MIGA2: variants seen among roughly 807,000 people sequenced by gnomAD.
MIGA2 encodes the protein mitoguardin 2, also known as family with sequence similarity 73, member B.
A neutral mutation model predicts 69.9 loss-of-function variants in MIGA2; 36 were observed. The observed-to-expected ratio is 0.52, with a 90% confidence interval of 0.39 to 0.68. The LOEUF is 0.68. Among genes scored for constraint, MIGA2 ranks in the 30% least tolerant of loss-of-function variants. The pLI is 0.00. For missense variants in MIGA2, 660 were observed against 787.7 expected (o/e 0.84, Z 1.94); for synonymous variants, 333 against 349.2 (o/e 0.95, Z 0.52).
chr9:129,061,223 T>C lies in MIGA2; in HGVS notation c.895-8T>C. On this transcript the variant is annotated splice_polypyrimidine_tract_variant and splice_region_variant and intron_variant, in intron 8 of 15. Transcript: ENST00000684074. The surrounding 1 kb of genome is among the most constrained non-coding windows in gnomAD (Gnocchi z 5.0). ...TTCCCTGGTCTCTTCCTCTGCACCCTCTCCCAGCTCTTTGAGTCCCTGCAG... is the reference window on the plus strand; with the variant it reads ...TTCCCTGGTCTCTTCCTCTGCACCCCCTCCCAGCTCTTTGAGTCCCTGCAG... 6.2e-7 allele frequency: 1 copy of C among 1,606,748 alleles called. No individual in the cohort carries two copies. Among genetic ancestry groups the C allele is most frequent in the Non-Finnish European group, 8.5e-7 (1 of 1,176,684 alleles).
chr9:129,050,046 G>A, intron 6 of MIGA2, 83 bp downstream of exon 6: 2 of 1,510,412 alleles, frequency 1.3e-6, no homozygotes, highest in Non-Finnish European at 1.8e-6. Flanking sequence ...TGGGAGGCAG[G>A]CAGTCTCCTG....
intron 3 of MIGA2, among the ~76,000 whole-genome samples, chr9:129,047,557 C>T (rs1044652403): frequency 2.0e-5 from 3 of 151,924 alleles, no homozygotes; most frequent in East Asian, 1.9e-4. Context: ...GGATTACAGG[C>T]GTGCGCCACC....
At chr9:129,053,592 C>G (rs556233581) in intron 6 of MIGA2, among the ~76,000 whole-genome samples, 5 of 152,116 alleles carry the variant, frequency 3.3e-5, no homozygotes, top group Admixed American at 1.3e-4. Context: ...GTTTCTATCT[C>G]CTGACCTCAG....
chr9:129,044,926 G>T (rs766893185), intron 3 of MIGA2, among the ~76,000 whole-genome samples: 2 of 148,986 alleles, frequency 1.3e-5, no homozygotes, highest in Non-Finnish European at 1.5e-5. Context: ...AAGGCCAGGC[G>T]CGGTGGCTCA....
intron 11 of MIGA2, among the ~76,000 whole-genome samples, chr9:129,067,211 A>G (rs1434588967): frequency 1.3e-5 from 2 of 151,914 alleles, no homozygotes; most frequent in African/African-American, 4.8e-5. Context: ...GTTTTTCTAC[A>G]TCGTAAATGC....
At position 129,060,507 on chromosome 9, in the gene MIGA2, T is replaced by G. The variant is rs759929873; in HGVS notation, c.794-43T>G. 14 of 1,463,426 alleles carry G rather than the reference T, an allele frequency of 9.6e-6. 1 individual carries two copies. The East Asian group carries it at 3.2e-4, about 33-fold the overall frequency. The allele number at this position is 1,463,426 out of a possible 1,614,324, so 90.7% of individuals were successfully genotyped here. The stretch of plus-strand genomic sequence containing the variant: ...GTACCGGGATTCCAGCTGAGCACTG[T>G]GTGGGGAGTCTCAGCCCCGCTTTCT... On this transcript the variant is annotated intron_variant, in intron 7 of 15. Transcript: ENST00000684074. This position sits in a 1 kb window ranked among gnomAD's most constrained non-coding sequence, Gnocchi z 4.8.
chr9:129,039,215 G>GT (rs1173839760), intron 1 of MIGA2, among the ~76,000 whole-genome samples: 34 of 139,718 alleles, frequency 2.4e-4, no homozygotes, highest in Non-Finnish European at 4.9e-4. Context: ...GTGTGTGTGT[G>GT]TGTGTTTTAT....
intron 11 of MIGA2, among the ~76,000 whole-genome samples, chr9:129,065,146 T>C (rs1846277600): frequency 6.7e-6 from 1 of 150,296 alleles, no homozygotes; most frequent in Non-Finnish European, 1.5e-5. Flanking sequence ...GTAAAAAATA[T>C]AGGATTTGGC....
chr9:129,045,682 A>G, intron 3 of MIGA2, among the ~76,000 whole-genome samples: 1 of 151,676 alleles, frequency 6.6e-6, no homozygotes, highest in East Asian at 1.9e-4. Context: ...GGGAGGCAGG[A>G]GGATTGTTTG....
Position 129,040,669 on chromosome 9 carries a change from C to T in MIGA2, c.75C>T (p.Phe25=). 6.2e-7 allele frequency: 1 copy of T among 1,613,816 alleles called. No individual in the cohort carries two copies. Among genetic ancestry groups the T allele is most frequent in the East Asian group, 2.2e-5 (1 of 44,860 alleles). The change falls in exon 2 of 16, where the codon TTC becomes TTT. Residue 25 remains phenylalanine (F), a synonymous_variant. Coordinates refer to ENST00000684074, the MANE Select transcript of MIGA2 (RefSeq NM_001329990.2). The part of the protein sequence containing the change: ...LAMTVAEIPV[F]LYTTFGQSAF... ...TGACGGTGGCCGAGATCCCCGTGTT[C>T]CTGTACACGACGTTTGGGCAGGTAA...
Position 129,048,494 on chromosome 9 carries a change from C to T in MIGA2, c.375C>T (p.Ser125=), listed in dbSNP as rs1845351807. 6.2e-7 allele frequency: 1 copy of T among 1,614,080 alleles called. No individual in the cohort carries two copies. Among genetic ancestry groups the T allele is most frequent in the Non-Finnish European group, 8.5e-7 (1 of 1,179,950 alleles). Residue 125 remains serine (S), a synonymous_variant, in exon 4 of 16, where the codon TCC becomes TCT. Coordinates refer to ENST00000684074, the MANE Select transcript of MIGA2 (RefSeq NM_001329990.2). ...KSNDTLSGIS[S]IEPSKHSGSS... is the part of the protein sequence containing the mutation. ...ACGACACCCTGAGTGGCATCTCTTC[C>T]ATTGAGCCCAGCAAGCACTCGGGCT...
At position 129,070,587 on chromosome 9, in the gene MIGA2, C is replaced by T; in HGVS notation, c.*134C>T. 1.0e-6 allele frequency: 1 copy of T among 952,858 alleles called. No individual in the cohort carries two copies. Among genetic ancestry groups the T allele is most frequent in the Non-Finnish European group, 1.5e-6 (1 of 660,300 alleles). 59.0% of individuals were successfully genotyped at this position (952,858 alleles called of 1,614,324 possible). Reference sequence around the variant, plus strand: ...CCCCATCATCTGGGAGTCCCCAAGGCCCAGAGGGGACATTTCCATGGAGAA... The same window carrying T: ...CCCCATCATCTGGGAGTCCCCAAGGTCCAGAGGGGACATTTCCATGGAGAA... On this transcript the variant is annotated 3_prime_UTR_variant, in exon 16 of 16. Transcript: ENST00000684074.
chr9:129,042,470 C>A lies in MIGA2; in HGVS notation c.263C>A (p.Pro88His), dbSNP rs780734686. The A allele has an allele frequency of 2.3e-5, 37 of 1,601,174 alleles. No individual in the cohort carries two copies. The highest frequency in any genetic ancestry group is 3.0e-5 in the Non-Finnish European group (35 of 1,174,678). ...GGAGGGGAGCAGCTGGGCACGGTGC[C>A]CCTCCCTATCCTCTTGGCCAGGAAG... The part of the protein sequence containing the change: ...EMGGEQLGTV[P>H]LPILLARKVP... The change falls in exon 3 of 16, where the codon CCC (proline) becomes CAC (histidine). Residue 88 changes from proline to histidine, a missense_variant. By Grantham distance (77) the Pro-to-His change is moderately conservative. This residue lies in a region of MIGA2 where 386 missense variants were observed against 402.0 expected (regional missense o/e 0.96). Coordinates refer to ENST00000684074, the MANE Select transcript of MIGA2 (RefSeq NM_001329990.2).
chr9:129,058,281 G>C (rs1845892452), intron 6 of MIGA2, among the ~76,000 whole-genome samples: 1 of 151,692 alleles, frequency 6.6e-6, no homozygotes, highest in Non-Finnish European at 1.5e-5. Flanking sequence ...TATGCCTGTA[G>C]TGTCCTAGCT....
intron 6 of MIGA2, 56 bp downstream of exon 6, chr9:129,050,019 G>C (rs1314607836): frequency 1.3e-6 from 2 of 1,565,324 alleles, no homozygotes; most frequent in African/African-American, 2.7e-5. Flanking sequence ...CAGCACAGGA[G>C]AGGGGCGGCC....
chr9:129,041,068 C>T (rs968205966), intron 2 of MIGA2, among the ~76,000 whole-genome samples: 3 of 152,122 alleles, frequency 2.0e-5, no homozygotes, highest in Non-Finnish European at 2.9e-5. Context: ...GGCACAGTGG[C>T]TCATGCCTGT....
In MIGA2 at chr9:129,069,244, C is replaced by G. The variant is rs1432948737; in HGVS notation, c.1458+115C>G. 1.2e-5 allele frequency: 16 copies of G among 1,330,134 alleles called. No homozygotes were observed. The highest frequency in any genetic ancestry group is 1.7e-5 in the Admixed American group (1 of 58,394). 82.4% of individuals were successfully genotyped at this position (1,330,134 alleles called of 1,614,324 possible). ...CACTTGGCCTTCACCGCTCACAGTC[C>G]TGGCCCCCTTGTTCCGCCGTTACCT... On this transcript the variant is annotated intron_variant, in intron 14 of 15. Transcript: ENST00000684074. This position sits in a 1 kb window ranked among gnomAD's most constrained non-coding sequence, Gnocchi z 4.9.
chr9:129,061,627 G>A lies in MIGA2; in HGVS notation c.1010+281G>A, dbSNP rs1046787932. On this transcript the variant is annotated intron_variant, in intron 9 of 15. Coordinates refer to ENST00000684074, the MANE Select transcript of MIGA2 (RefSeq NM_001329990.2). The surrounding 1 kb of genome is among the most constrained non-coding windows in gnomAD (Gnocchi z 5.0). ...AGTTCTAAATTCTGAGAGAGTGTAT[G>A]CTTCTACAGCACATACACTGAAAAA... Among the ~76,000 whole-genome samples, 4 of 152,332 alleles carry A rather than the reference G, an allele frequency of 2.6e-5. No homozygotes were observed. Among genetic ancestry groups the A allele is most frequent in the Admixed American group, 2.0e-4 (3 of 15,304 alleles).
Position 129,067,787 on chromosome 9 carries a change from C to T in MIGA2, c.1185C>T (p.Phe395=), listed in dbSNP as rs149779596. The T allele has an allele frequency of 6.8e-6, 11 of 1,612,120 alleles. No individual in the cohort carries two copies. Among genetic ancestry groups the T allele is most frequent in the African/African-American group, 1.3e-5 (1 of 74,916 alleles). ...TCTCTCCACAGAGCCCCAAAGGCTT[C>T]CTGGAGAGCTACGAGGAGATGCTGA... ...MTKAEKSPKG[F]LESYEEMLSY... The change falls in exon 12 of 16, where the codon TTC becomes TTT. Residue 395 remains phenylalanine (F), a synonymous_variant. Coordinates refer to ENST00000684074, the MANE Select transcript of MIGA2 (RefSeq NM_001329990.2).
Sources: gnomAD v4.1 joint callset for allele counts (sites outside exome capture counted in the v4.1 genomes callset) on GRCh38, gnomAD v4.1.1 for gene constraint, gnomAD v4.1.1 regional missense constraint, Gnocchi (gnomAD v3.1) non-coding constraint, MANE v1.5 for transcripts, NCBI Gene and HGNC (gene_info 2026-07-23, HGNC 2026-07-21) for gene names.